The following ZNF704 variants were observed in gnomAD, a reference collection of about 807,000 sequenced individuals.
ZNF704 encodes zinc finger protein 704, also known as glucocorticoid induced gene 1.
ZNF704 carries 10 observed loss-of-function variants against 44.7 expected under a neutral mutation model. The ratio of observed to expected loss-of-function variants is 0.22; its 90% confidence interval spans 0.14 to 0.38. ZNF704 has a LOEUF of 0.38. Among genes scored for constraint, ZNF704 ranks in the 10% least tolerant of loss-of-function variants. ZNF704 has a pLI of 1.00. For synonymous variants in ZNF704, 211 were observed against 207.6 expected, an observed-to-expected ratio of 1.02 and a Z score of -0.14; for missense variants, 390 against 545.5, an observed-to-expected ratio of 0.71 and a Z score of 2.84.
intron 2 of ZNF704, among the ~76,000 whole-genome samples, chr8:80,773,408 C>T (rs770167786): frequency 5.6e-4 from 85 of 152,250 alleles, no homozygotes; most frequent in Admixed American, 1.1e-3. Flanking sequence ...TCCTTTTAGT[C>T]TCCCATTTTT....
chr8:80,719,604 C>T (rs1819130086), intron 2 of ZNF704, among the ~76,000 whole-genome samples: 1 of 152,188 alleles, frequency 6.6e-6, no homozygotes, highest in South Asian at 2.1e-4. Flanking sequence ...GGGTCTTGCA[C>T]ATGTACTCAG....
In ZNF704 at chr8:80,822,424, G is replaced by T. The variant is rs147643819; in HGVS notation, c.-21-809C>A. On this transcript the variant is annotated intron_variant, in intron 1 of 8. Transcript: ENST00000327835. The stretch of plus-strand genomic sequence containing the variant: ...TATTCCATGGTGTATATGTGCCACA[G>T]TTTCTTAATCCAGTCTATCATTGAT... Among the ~76,000 whole-genome samples the T allele has an allele frequency of 1.7e-3, 263 of 152,170 alleles. 1 individual carries two copies. The highest frequency in any genetic ancestry group is 5.9e-3 in the African/African-American group (246 of 41,506).
intron 2 of ZNF704, among the ~76,000 whole-genome samples, chr8:80,753,933 C>T (rs1010606609): frequency 4.6e-5 from 7 of 152,110 alleles, no homozygotes; most frequent in East Asian, 1.9e-4. Context: ...GAACATCTAG[C>T]GTCTGGGAAT....
rs557833206 is a variant in ZNF704, at chr8:80,744,876, A to C, written c.222-51769T>G. 2.0e-5 allele frequency among the ~76,000 whole-genome samples: 3 copies of C among 152,352 alleles called. No homozygotes were observed. The East Asian group carries it at 5.8e-4, about 29-fold the overall frequency. ...TATTTTTTACTGATCCTCAAAGCTC[A>C]TAAGTACCTAAATTTTTACTTATTC... On this transcript the variant is annotated intron_variant, in intron 2 of 8. Coordinates refer to ENST00000327835, the MANE Select transcript of ZNF704 (RefSeq NM_001033723.3).
intron 2 of ZNF704, among the ~76,000 whole-genome samples, chr8:80,722,742 C>T (rs1806394277): frequency 6.6e-6 from 1 of 152,188 alleles, no homozygotes; most frequent in African/African-American, 2.4e-5. Context: ...ACTGTGTTCT[C>T]TCTCCTACAA....
intron 2 of ZNF704, among the ~76,000 whole-genome samples, chr8:80,807,876 C>T (rs1163976323): frequency 2.0e-5 from 3 of 152,090 alleles, no homozygotes; most frequent in African/African-American, 7.2e-5. Context: ...CTCGTTTTAA[C>T]CTTAGCAGAC....
intron 7 of ZNF704, among the ~76,000 whole-genome samples, chr8:80,653,302 T>C (rs1379306667): frequency 6.6e-6 from 1 of 152,120 alleles, no homozygotes; most frequent in Admixed American, 6.5e-5. Flanking sequence ...CAACATAGTG[T>C]TGGAAGTTCT....
intron 2 of ZNF704, among the ~76,000 whole-genome samples, chr8:80,782,103 C>T (rs923804444): frequency 1.3e-5 from 2 of 152,302 alleles, no homozygotes; most frequent in Admixed American, 6.5e-5. Flanking sequence ...GAGCAATCAT[C>T]ACTGCTGTCT....
chr8:80,779,683 T>A (rs1443373280), intron 2 of ZNF704, among the ~76,000 whole-genome samples: 1 of 152,016 alleles, frequency 6.6e-6, no homozygotes, highest in South Asian at 2.1e-4. Context: ...TAATAATACA[T>A]TTCACATTAA....
At chr8:80,866,424 C>G (rs716350) in intron 1 of ZNF704, among the ~76,000 whole-genome samples, 49,983 of 151,932 alleles carry the variant, frequency 0.33, 9,899 homozygotes, top group African/African-American at 0.57. Context: ...GAGGGAATGA[C>G]CAAAACATGG....
chr8:80,820,430 T>C (rs1808249740), intron 2 of ZNF704, among the ~76,000 whole-genome samples: 1 of 152,208 alleles, frequency 6.6e-6, no homozygotes, highest in Non-Finnish European at 1.5e-5. Context: ...AGACAAAGGC[T>C]TTTTGATATT....
At chr8:80,831,363 T>C (rs923588432) in intron 1 of ZNF704, among the ~76,000 whole-genome samples, 1 of 152,088 alleles carries the variant, frequency 6.6e-6, no homozygotes, top group African/African-American at 2.4e-5. Context: ...AGGGTGCTTT[T>C]ATTTTTTTTC....
intron 7 of ZNF704, among the ~76,000 whole-genome samples, chr8:80,657,693 GAAA>G (rs796181687): frequency 5.1e-5 from 4 of 78,312 alleles, no homozygotes; most frequent in Admixed American, 1.5e-4. Flanking sequence ...CCTGTTTCAA[GAAA>G]AAAAAAAAAA....
At chr8:80,780,188 G>A (rs930312970) in intron 2 of ZNF704, among the ~76,000 whole-genome samples, 22 of 152,126 alleles carry the variant, frequency 1.4e-4, no homozygotes, top group Non-Finnish European at 3.2e-4. Flanking sequence ...TGGAGGGCAA[G>A]GTACATGGAG....
intron 3 of ZNF704, among the ~76,000 whole-genome samples, chr8:80,690,023 T>C (rs1032859872): frequency 2.1e-4 from 32 of 151,918 alleles, no homozygotes; most frequent in Middle Eastern, 3.4e-3. Flanking sequence ...CAAAAACTCA[T>C]TGATGTGCAA....
intron 1 of ZNF704, among the ~76,000 whole-genome samples, chr8:80,873,973 G>T (rs1250485772): frequency 6.8e-6 from 1 of 146,488 alleles, no homozygotes; most frequent in Admixed American, 6.8e-5. Context: ...GCGCCGGCCC[G>T]GCAGGCTGCA....
chr8:80,826,762 G>T (rs1406892803), intron 1 of ZNF704, among the ~76,000 whole-genome samples: 1 of 152,114 alleles, frequency 6.6e-6, no homozygotes, highest in Non-Finnish European at 1.5e-5. Context: ...ATGCAAGGCT[G>T]GTTCAACATA....
the ZNF704 span, among the ~76,000 whole-genome samples, chr8:80,884,259 A>G: frequency 2.6e-5 from 4 of 152,210 alleles, no homozygotes; most frequent in African/African-American, 9.7e-5. Flanking sequence ...TGGGGAAGGC[A>G]GTGGGTGGAG....
At chr8:80,821,742 A>G in intron 1 of ZNF704, 127 bp from the exon 2 acceptor site, 1 of 689,966 alleles carries the variant, frequency 1.4e-6, no homozygotes, top group Non-Finnish European at 2.4e-6. Flanking sequence ...GTATAATTTT[A>G]ATAAGAAAAA....
Sources: gnomAD v4.1 joint callset for allele counts (sites outside exome capture counted in the v4.1 genomes callset) on GRCh38, gnomAD v4.1.1 for gene constraint, MANE v1.5 for transcripts, NCBI Gene and HGNC (gene_info 2026-07-23, HGNC 2026-07-21) for gene names.